Variants in PIAS4 observed in about 807,000 individuals in gnomAD.
The protein encoded by PIAS4 is protein inhibitor of activated STAT 4.
In PIAS4, 7 loss-of-function variants were observed where a neutral mutation model predicts 58.0. The observed-to-expected ratio is 0.12, with a 90% CI of 0.07 to 0.23. PIAS4 has a LOEUF of 0.23. PIAS4 is among the 10% of genes least tolerant of loss of function. The pLI, the probability that PIAS4 is intolerant of heterozygous loss-of-function variation, is 1.00. For missense variants in PIAS4, 550 were observed against 709.5 expected (o/e 0.78, Z 2.55); for synonymous variants, 364 against 312.4 (o/e 1.17, Z -1.74).
chr19:4,009,982 G>T (rs1031471743), intron 1 of PIAS4, among the ~76,000 whole-genome samples: 1 of 152,216 alleles, frequency 6.6e-6, no homozygotes, highest in African/African-American at 2.4e-5. Context: ...GCTCTGAGGG[G>T]CCTATGCTGG....
chr19:4,035,961 ATACAGTC>A (rs2040275109), intron 9 of PIAS4, among the ~76,000 whole-genome samples: 5 of 42,864 alleles, frequency 1.2e-4, no homozygotes, highest in East Asian at 8.3e-4. Flanking sequence ...TAACACACAC[ATACAGTC>A]CACACCGTCA....
chr19:4,037,207 C>T lies in PIAS4; in HGVS notation c.1143-167C>T, dbSNP rs753436764. ...CTCAGCACCTGCAGGGGCCTGAGGG[C>T]GGGGGAGGGAATGCGGGGTCCCTGG... On this transcript the variant is annotated intron_variant, in intron 9 of 10. Transcript: ENST00000262971. This position sits in a 1 kb window ranked among gnomAD's most constrained non-coding sequence, Gnocchi z 5.8. Among the ~76,000 whole-genome samples the T allele has an allele frequency of 1.0e-4, 15 of 148,296 alleles. No individual in the cohort carries two copies. Among genetic ancestry groups the T allele is most frequent in the Non-Finnish European group, 1.6e-4 (11 of 67,238 alleles).
chr19:4,013,769 C>T lies in PIAS4; in HGVS notation c.454+420C>T, dbSNP rs963757190. On this transcript the variant is annotated intron_variant, in intron 2 of 10. Coordinates refer to ENST00000262971, the MANE Select transcript of PIAS4 (RefSeq NM_015897.4). The surrounding 1 kb of genome is among the most constrained non-coding windows in gnomAD (Gnocchi z 5.1). Reference sequence around the variant, plus strand: ...AGCTCTTGGCCACAGTCCCCAGGTCCTCATGGTGCGGACTCCTGCACGGAT... The same window carrying T: ...AGCTCTTGGCCACAGTCCCCAGGTCTTCATGGTGCGGACTCCTGCACGGAT... Among the ~76,000 whole-genome samples the T allele has an allele frequency of 2.0e-5, 3 of 152,192 alleles. No individual in the cohort carries two copies. The highest frequency in any genetic ancestry group is 7.2e-5 in the African/African-American group (3 of 41,444).
chr19:4,009,026 T>G (rs1481473762), intron 1 of PIAS4, among the ~76,000 whole-genome samples: 1 of 152,122 alleles, frequency 6.6e-6, no homozygotes, highest in Non-Finnish European at 1.5e-5. Context: ...GCTCAGAGTA[T>G]CCCCATTCCA....
At chr19:4,017,865 A>T (rs947103980) in intron 2 of PIAS4, 3 of 152,184 alleles carry the variant, frequency 2.0e-5, no homozygotes, top group African/African-American at 7.2e-5. Context: ...AGTAGAGACG[A>T]GGTTTCACCA....
At chr19:4,034,057 C>T (rs1300325924) in intron 9 of PIAS4, among the ~76,000 whole-genome samples, 1 of 152,238 alleles carries the variant, frequency 6.6e-6, no homozygotes, top group Non-Finnish European at 1.5e-5. Flanking sequence ...ATTCCCCAGG[C>T]CACAGGGGAC....
Position 4,037,799 on chromosome 19 carries a change from A to G in PIAS4, c.1457A>G (p.Glu486Gly). The change falls in exon 11 of 11, where the codon GAG (glutamate) becomes GGG (glycine). Residue 486 changes from glutamate (E) to glycine (G), a missense_variant. Glu to Gly is a moderately conservative substitution (Grantham distance 98). Coordinates refer to ENST00000262971, the MANE Select transcript of PIAS4 (RefSeq NM_015897.4). The surrounding 1 kb of genome is among the most constrained non-coding windows in gnomAD (Gnocchi z 5.8). ...GATGAGGAGGAGGAGGAAGAGGAGG[A>G]GGAAGACGAGGACGAAGAGGGGCCC... ...SEDEEEEEEE[E>G]EDEDEEGPRP... The G allele has an allele frequency of 6.3e-7, 1 of 1,590,266 alleles. No homozygotes were observed. Among genetic ancestry groups the G allele is most frequent in the Non-Finnish European group, 8.6e-7 (1 of 1,168,784 alleles).
At chr19:4,012,611 C>T (rs1173341366) in intron 1 of PIAS4, among the ~76,000 whole-genome samples, 1 of 152,170 alleles carries the variant, frequency 6.6e-6, no homozygotes, top group Non-Finnish European at 1.5e-5. Context: ...GCACAATTGT[C>T]AGTTCCTGCC....
chr19:4,023,223 A>C (rs890924836), intron 2 of PIAS4, among the ~76,000 whole-genome samples: 49 of 150,602 alleles, frequency 3.3e-4, no homozygotes, highest in Admixed American at 1.5e-3. Flanking sequence ...TCACGCCTGT[A>C]ATCCCAGCAT....
In PIAS4 at chr19:4,028,534, C is replaced by T. The variant is rs1218313515; in HGVS notation, c.606C>T (p.Cys202=). The change falls in exon 5 of 11, where the codon TGC becomes TGT. Residue 202 remains cysteine (C), a synonymous_variant. Coordinates refer to ENST00000262971, the MANE Select transcript of PIAS4 (RefSeq NM_015897.4). ...GAATCTGTTACTCAGACACCAGCTG[C>T]CCTCAGGAGGACCAGTACCCGCCCA... is the stretch of plus-strand genomic sequence containing the variant. ...VLRICYSDTS[C]PQEDQYPPNI... 1 of 1,612,930 alleles carries T rather than the reference C, an allele frequency of 6.2e-7. No individual in the cohort carries two copies. Among genetic ancestry groups the T allele is most frequent in the Non-Finnish European group, 8.5e-7 (1 of 1,179,866 alleles).
In PIAS4 at chr19:4,013,457, GC is replaced by G; in HGVS notation, c.454+110del. On this transcript the variant is annotated intron_variant, in intron 2 of 10. Coordinates refer to ENST00000262971, the MANE Select transcript of PIAS4 (RefSeq NM_015897.4). This position sits in a 1 kb window ranked among gnomAD's most constrained non-coding sequence, Gnocchi z 5.1. ...TTCGAGTGATGTTCTCTGTGGCGCA[GC>G]CAGGGCGGGGAGCCACAGTGGCCAG... The G allele has an allele frequency of 9.7e-7, 1 of 1,027,910 alleles. No individual in the cohort carries two copies. Among genetic ancestry groups the G allele is most frequent in the Non-Finnish European group, 1.4e-6 (1 of 705,808 alleles). The allele number at this position is 1,027,910 out of a possible 1,614,324, so 63.7% of individuals were successfully genotyped here.
chr19:4,009,038 G>C (rs1055750047), intron 1 of PIAS4, among the ~76,000 whole-genome samples: 1 of 152,014 alleles, frequency 6.6e-6, no homozygotes, highest in African/African-American at 2.4e-5. Flanking sequence ...CCCATTCCAG[G>C]GGATGTACCT....
At chr19:4,027,995 G>C in intron 3 of PIAS4, 151 bp from the exon 4 acceptor site, 1 of 798,482 alleles carries the variant, frequency 1.3e-6, no homozygotes. Flanking sequence ...CTCTCACCCA[G>C]CCCGTACAAA....
At chr19:4,025,991 G>A (rs552452568) in intron 3 of PIAS4, among the ~76,000 whole-genome samples, 73 of 146,442 alleles carry the variant, frequency 5.0e-4, no homozygotes, top group East Asian at 2.1e-3. Flanking sequence ...GGAGAATGGC[G>A]TGAACCCGGG....
rs182504839 is a variant in PIAS4 at position 4,025,340 on chromosome 19, C to T, written c.539+1220C>T. ...GAGGGGCCAGTGTGGCTGCCCTGCGCTCTGCTCCTCCCTCAGTCTCTCCGA... is the reference window on the plus strand; with the variant it reads ...GAGGGGCCAGTGTGGCTGCCCTGCGTTCTGCTCCTCCCTCAGTCTCTCCGA... On this transcript the variant is annotated intron_variant, in intron 3 of 10. Coordinates refer to ENST00000262971, the MANE Select transcript of PIAS4 (RefSeq NM_015897.4). 1.2e-3 allele frequency among the ~76,000 whole-genome samples: 185 copies of T among 152,330 alleles called. 2 individuals are homozygous for T. Among genetic ancestry groups the T allele is most frequent in the Non-Finnish European group, 5.0e-4 (34 of 68,026 alleles).
At chr19:4,033,270 C>T in intron 8 of PIAS4, 97 bp downstream of exon 8, 2 of 1,380,780 alleles carry the variant, frequency 1.4e-6, no homozygotes, top group African/African-American at 1.4e-5. Flanking sequence ...GGGCCGTGAG[C>T]CTGCGGGGGC....
At chr19:4,026,321 CAG>C (rs1281278683) in intron 3 of PIAS4, among the ~76,000 whole-genome samples, 2 of 139,964 alleles carry the variant, frequency 1.4e-5, no homozygotes, top group African/African-American at 6.6e-5. Flanking sequence ...TTAGTAGAGA[CAG>C]GGTTTCACCA....
intron 2 of PIAS4, among the ~76,000 whole-genome samples, chr19:4,015,504 C>G (rs1370783982): frequency 6.6e-6 from 1 of 152,228 alleles, no homozygotes; most frequent in African/African-American, 2.4e-5. Context: ...CCATCTCAGG[C>G]CGCCAGGTGA....
At position 4,037,324 on chromosome 19, in the gene PIAS4, G is replaced by A. The variant is rs75488612; in HGVS notation, c.1143-50G>A. On this transcript the variant is annotated intron_variant, in intron 9 of 10. Coordinates refer to ENST00000262971, the MANE Select transcript of PIAS4 (RefSeq NM_015897.4). This position sits in a 1 kb window ranked among gnomAD's most constrained non-coding sequence, Gnocchi z 5.8. The stretch of plus-strand genomic sequence containing the variant: ...GGAGGGATGGAGGGCTGGGGAGTTG[G>A]GGGGGTGGGGCACCTCCAGCCCCGG... 0.095 allele frequency: 148,867 copies of A among 1,564,150 alleles called. 8,076 individuals are homozygous for A. The highest frequency in any genetic ancestry group is 0.18 in the South Asian group (15,657 of 85,078).
Sources: allele counts gnomAD v4.1 joint callset (sites outside exome capture counted in the v4.1 genomes callset), GRCh38; gene constraint gnomAD v4.1.1; non-coding constraint Gnocchi (gnomAD v3.1); transcripts MANE v1.5; gene names NCBI Gene and HGNC (gene_info 2026-07-23, HGNC 2026-07-21).